Variants in MTMR3 observed in about 807,000 individuals in gnomAD.
MTMR3 encodes phosphatidylinositol-3,5-bisphosphate 3-phosphatase MTMR3.
MTMR3 carries 32 observed loss-of-function variants against 132.4 expected under a neutral mutation model. That is an observed-to-expected ratio of 0.24 (90% CI 0.18 to 0.32). The LOEUF is 0.32. Ranked by LOEUF, MTMR3 falls within the 10% of genes least tolerant of loss-of-function variation. The pLI is 1.00. For synonymous variants in MTMR3, 556 were observed against 550.3 expected, an observed-to-expected ratio of 1.01 and a Z score of -0.14; for missense variants, 1,216 against 1,489.6, an observed-to-expected ratio of 0.82 and a Z score of 3.02.
chr22:30,000,846 C>T (rs1424763970), intron 8 of MTMR3: 1 of 152,100 alleles, frequency 6.6e-6, no homozygotes, highest in African/African-American at 2.4e-5. Context: ...TGTTTATCCA[C>T]AAGTGAGTAG....
At chr22:29,957,556 A>G (rs907986669) in intron 2 of MTMR3, among the ~76,000 whole-genome samples, 10 of 151,988 alleles carry the variant, frequency 6.6e-5, no homozygotes, top group African/African-American at 1.5e-4. Flanking sequence ...GGCTACAGCA[A>G]TCCTCCTGCC....
chr22:29,994,375 T>G (rs2067019336), intron 7 of MTMR3: 1 of 144,472 alleles, frequency 6.9e-6, no homozygotes, highest in Admixed American at 7.2e-5. Context: ...AAAACTTGGT[T>G]TTAATTAAAA....
intron 7 of MTMR3, chr22:29,993,667 T>C (rs2067006943): frequency 2.6e-5 from 4 of 152,326 alleles, no homozygotes; most frequent in African/African-American, 9.6e-5. Flanking sequence ...TTTTAGTCCC[T>C]TGATAATTTG....
At chr22:29,899,142 A>G (rs35361418) in intron 1 of MTMR3, among the ~76,000 whole-genome samples, 9,033 of 152,248 alleles carry the variant, frequency 0.059, 504 homozygotes, top group South Asian at 0.24. Context: ...GGAGCCTTCA[A>G]TCCAACAAAG....
chr22:29,984,918 C>T (rs2145898334), intron 5 of MTMR3: 1 of 152,298 alleles, frequency 6.6e-6, no homozygotes, highest in Middle Eastern at 3.4e-3. Context: ...TGGAAGGAGC[C>T]CAGGCTGGAG....
intron 15 of MTMR3, 67 bp from the exon 16 acceptor site, chr22:30,017,860 C>T: frequency 6.3e-7 from 1 of 1,595,852 alleles, no homozygotes; most frequent in Non-Finnish European, 8.5e-7. Context: ...GCTCTTGATC[C>T]TCATTTCCAG....
chr22:29,928,316 C>T (rs1001249682), intron 1 of MTMR3, among the ~76,000 whole-genome samples: 7 of 151,832 alleles, frequency 4.6e-5, no homozygotes, highest in African/African-American at 1.7e-4. Flanking sequence ...GGGTTGCAGG[C>T]GCCTGCCACC....
intron 1 of MTMR3, among the ~76,000 whole-genome samples, chr22:29,955,851 G>C (rs1003919939): frequency 4.6e-5 from 7 of 151,958 alleles, no homozygotes; most frequent in Non-Finnish European, 7.4e-5. Flanking sequence ...TCCCGGGTTT[G>C]AGTGATTCTT....
intron 2 of MTMR3, among the ~76,000 whole-genome samples, chr22:29,957,572 C>T (rs2066224547): frequency 6.6e-6 from 1 of 152,064 alleles, no homozygotes; most frequent in Non-Finnish European, 1.5e-5. Context: ...CTGCCTCCGC[C>T]TCCCAGTTGC....
chr22:29,945,814 G>C (rs2065942096), intron 1 of MTMR3, among the ~76,000 whole-genome samples: 1 of 151,924 alleles, frequency 6.6e-6, no homozygotes, highest in South Asian at 2.1e-4. Context: ...AAAGATAATA[G>C]CAGTTAAAAA....
chr22:29,942,044 A>T (rs2065866928), intron 1 of MTMR3, among the ~76,000 whole-genome samples: 1 of 152,152 alleles, frequency 6.6e-6, no homozygotes, highest in African/African-American at 2.4e-5. Flanking sequence ...TAGTTTTTGG[A>T]TATGTTGACC....
Position 29,971,006 on chromosome 22 carries a change from G to A in MTMR3, c.-54G>A. 1 of 1,463,394 alleles carries A rather than the reference G, an allele frequency of 6.8e-7. No homozygotes were observed. Among genetic ancestry groups the A allele is most frequent in the Non-Finnish European group, 9.2e-7 (1 of 1,089,070 alleles). 90.7% of individuals were successfully genotyped at this position (1,463,394 alleles called of 1,614,324 possible). On this transcript the variant is annotated 5_prime_UTR_variant, in exon 3 of 20. Coordinates refer to ENST00000401950, the MANE Select transcript of MTMR3 (RefSeq NM_021090.4). The stretch of plus-strand genomic sequence containing the variant: ...ACCATAAGGGAAAGAAGAGAGCCTT[G>A]TTGGACACTGAAGAAGGGACGGGGA...
At chr22:29,924,755 T>G (rs1194766177) in intron 1 of MTMR3, among the ~76,000 whole-genome samples, 1 of 152,222 alleles carries the variant, frequency 6.6e-6, no homozygotes, top group Non-Finnish European at 1.5e-5. Context: ...TTTGTAGTTT[T>G]CAGTATAATA....
At chr22:29,911,274 T>C (rs961380513) in intron 1 of MTMR3, among the ~76,000 whole-genome samples, 1 of 152,160 alleles carries the variant, frequency 6.6e-6, no homozygotes, top group Non-Finnish European at 1.5e-5. Flanking sequence ...CTGGGTGTGG[T>C]GGCTCGCACC....
rs183865309 is a variant in MTMR3 at position 29,946,250 on chromosome 22, T to C, written c.-137-10786T>C. ...AGAACAACTGTGATTCCCAAAGGAG[T>C]ATTAAGGAGCTGTGGTGGGGAGAAG... On this transcript the variant is annotated intron_variant, in intron 1 of 19. Transcript: ENST00000401950. 1.7e-4 allele frequency among the ~76,000 whole-genome samples: 26 copies of C among 151,612 alleles called. No homozygotes were observed. The East Asian group carries it at 5.0e-3, about 29-fold the overall frequency.
chr22:30,016,283 C>CA, intron 14 of MTMR3: 1 of 440,924 alleles, frequency 2.3e-6, no homozygotes, highest in Non-Finnish European at 4.1e-6. Flanking sequence ...TTCACAATCT[C>CA]AGACTATTTA....
At chr22:29,977,034 T>C (rs2066642624) in intron 3 of MTMR3, among the ~76,000 whole-genome samples, 1 of 152,296 alleles carries the variant, frequency 6.6e-6, no homozygotes, top group African/African-American at 2.4e-5. Context: ...CTCACACCTG[T>C]AATCCCAGAA....
At chr22:29,900,571 T>TTATA (rs1217786221) in intron 1 of MTMR3, among the ~76,000 whole-genome samples, 3 of 152,192 alleles carry the variant, frequency 2.0e-5, no homozygotes, top group Non-Finnish European at 4.4e-5. Flanking sequence ...CTGTGATTTA[T>TTATA]TATAATACAT....
intron 1 of MTMR3, among the ~76,000 whole-genome samples, chr22:29,906,302 A>ATCTG (rs1320168273): frequency 1.6e-4 from 15 of 92,344 alleles, no homozygotes; most frequent in South Asian, 3.1e-4. Flanking sequence ...CTATCTATCT[A>ATCTG]TCTATCTATC....
Sources: gnomAD v4.1 joint callset for allele counts (sites outside exome capture counted in the v4.1 genomes callset) on GRCh38, gnomAD v4.1.1 for gene constraint, MANE v1.5 for transcripts, NCBI Gene and HGNC (gene_info 2026-07-23, HGNC 2026-07-21) for gene names.